The following RAB27B variants were observed in gnomAD, a reference collection of about 807,000 sequenced individuals.
The protein encoded by RAB27B is ras-related protein Rab-27B.
RAB27B carries 15 observed loss-of-function variants against 24.6 expected under a neutral mutation model. That is an observed-to-expected ratio of 0.61 (90% confidence interval 0.41 to 0.94). RAB27B has a LOEUF of 0.94. Ranked by LOEUF, RAB27B falls within the 40% of genes least tolerant of loss-of-function variation. RAB27B has a pLI of 0.00. For synonymous variants in RAB27B, 105 were observed against 92.5 expected (o/e 1.14, Z -0.78); for missense variants, 261 against 266.8 (o/e 0.98, Z 0.15).
intron 1 of RAB27B, among the ~76,000 whole-genome samples, chr18:54,841,335 A>G (rs1598949535): frequency 6.6e-6 from 1 of 152,238 alleles, no homozygotes; most frequent in East Asian, 1.9e-4. Flanking sequence ...CCTAAACAAT[A>G]TAGTATAACA....
chr18:54,870,629 A>G (rs1912425037), intron 1 of RAB27B, among the ~76,000 whole-genome samples: 1 of 152,194 alleles, frequency 6.6e-6, no homozygotes, highest in Non-Finnish European at 1.5e-5. Flanking sequence ...TTGAAAAACC[A>G]TTAAACATAT....
At chr18:54,719,205 CA>C (rs1035103522) in intron 2 of RAB27B, among the ~76,000 whole-genome samples, 110 of 152,018 alleles carry the variant, frequency 7.2e-4, no homozygotes, top group African/African-American at 2.6e-3. Flanking sequence ...TCTAATGGTT[CA>C]AAAAAGTATA....
At chr18:54,798,854 A>G (rs190612237) in intron 2 of RAB27B, among the ~76,000 whole-genome samples, 54 of 152,360 alleles carry the variant, frequency 3.5e-4, no homozygotes, top group East Asian at 1.9e-3. Context: ...TATAAATTCA[A>G]AAGAATAATT....
intron 2 of RAB27B, among the ~76,000 whole-genome samples, chr18:54,736,949 G>C (rs1644306961): frequency 6.6e-6 from 1 of 152,134 alleles, no homozygotes; most frequent in Non-Finnish European, 1.5e-5. Context: ...GGAAGTCTTA[G>C]GGACTCGAAA....
intron 2 of RAB27B, among the ~76,000 whole-genome samples, chr18:54,793,425 CATAG>C (rs1260857582): frequency 6.6e-6 from 1 of 152,116 alleles, no homozygotes; most frequent in African/African-American, 2.4e-5. Flanking sequence ...GAGAGAGGAA[CATAG>C]ATAGGCGATA....
At chr18:54,739,421 A>C (rs1910002883) in intron 2 of RAB27B, among the ~76,000 whole-genome samples, 1 of 145,024 alleles carries the variant, frequency 6.9e-6, no homozygotes. Flanking sequence ...CTGCCATTGC[A>C]CTCCAGCCTG....
chr18:54,791,685 T>G lies in RAB27B; in HGVS notation c.-20+73544T>G, dbSNP rs549449701. 2.6e-5 allele frequency among the ~76,000 whole-genome samples: 4 copies of G among 152,300 alleles called. No individual in the cohort carries two copies. The East Asian group carries it at 7.7e-4, about 29-fold the overall frequency. On this transcript the variant is annotated intron_variant, in intron 2 of 4. Coordinates refer to the RAB27B transcript ENST00000586570. ...TTGCATTTTCCAAGACCACTGGGCC[T>G]GCCCATCCTGGGCCTATAAAAACCG...
chr18:54,882,120 T>C (rs573891975), intron 3 of RAB27B, among the ~76,000 whole-genome samples: 1 of 152,292 alleles, frequency 6.6e-6, no homozygotes, highest in South Asian at 2.1e-4. Flanking sequence ...ATAAATTTTT[T>C]TGGTATTTCT....
intron 2 of RAB27B, among the ~76,000 whole-genome samples, chr18:54,776,591 A>T (rs143162023): frequency 6.6e-6 from 1 of 152,318 alleles, no homozygotes; most frequent in East Asian, 1.9e-4. Flanking sequence ...GGGTGCTGCC[A>T]TGATACCCTG....
At chr18:54,812,386 T>C (rs904158432) in intron 2 of RAB27B, among the ~76,000 whole-genome samples, 1 of 152,166 alleles carries the variant, frequency 6.6e-6, no homozygotes, top group Non-Finnish European at 1.5e-5. Context: ...AGATGTTAAA[T>C]AGGAGTTTTA....
intron 1 of RAB27B, among the ~76,000 whole-genome samples, chr18:54,858,263 C>T (rs949494131): frequency 1.3e-5 from 2 of 152,058 alleles, no homozygotes; most frequent in African/African-American, 2.4e-5. Context: ...TTATCCTATG[C>T]GTTAGAATTT....
At chr18:54,799,153 T>C (rs1909517559) in intron 2 of RAB27B, among the ~76,000 whole-genome samples, 2 of 152,292 alleles carry the variant, frequency 1.3e-5, no homozygotes, top group South Asian at 2.1e-4. Flanking sequence ...TTAACTAAAA[T>C]TGTGACTCAT....
chr18:54,877,455 T>C, intron 1 of RAB27B, 112 bp from the exon 2 acceptor site: 1 of 763,608 alleles, frequency 1.3e-6, no homozygotes, highest in Non-Finnish European at 1.9e-6. Flanking sequence ...TATGGCAGAA[T>C]AGAGGTATTC....
upstream of RAB27B, among the ~76,000 whole-genome samples, chr18:54,824,886 C>A (rs1910424207): frequency 6.6e-6 from 1 of 152,030 alleles, no homozygotes; most frequent in African/African-American, 2.4e-5. Flanking sequence ...TTTAGGCCTG[C>A]TTCACACTTA....
intron 2 of RAB27B, among the ~76,000 whole-genome samples, chr18:54,767,500 A>G (rs1165415112): frequency 1.3e-5 from 2 of 152,302 alleles, no homozygotes; most frequent in East Asian, 3.9e-4. Flanking sequence ...CTTTTTAAAA[A>G]CAAGATACAA....
rs371696623 is a variant in RAB27B, at chr18:54,781,186, C to A, written c.-20+63045C>A. ...AGCAGAAATACTCAGCCACTCCATG[C>A]TGCTACCTGATTGAAAGTATCACAA... On this transcript the variant is annotated intron_variant, in intron 2 of 4. Transcript: ENST00000586570. Among the ~76,000 whole-genome samples the A allele has an allele frequency of 1.0e-3, 157 of 152,246 alleles. 4 individuals are homozygous for A. The South Asian group carries it at 0.028, about 27-fold the overall frequency.
At chr18:54,816,456 A>G (rs1910125049) in intron 2 of RAB27B, among the ~76,000 whole-genome samples, 1 of 152,264 alleles carries the variant, frequency 6.6e-6, no homozygotes, top group Non-Finnish European at 1.5e-5. Context: ...AGGGATTGAC[A>G]TATTTGGAGC....
In RAB27B at chr18:54,816,262, G is replaced by A. The variant is rs185698507; in HGVS notation, c.-19-61305G>A. Among the ~76,000 whole-genome samples the A allele has an allele frequency of 9.7e-4, 147 of 152,294 alleles. 1 individual carries two copies. Among genetic ancestry groups the A allele is most frequent in the African/African-American group, 3.0e-3 (123 of 41,564 alleles). ...ACTGACCAAATTGAGGGTATAAGGC[G>A]AAGGCCAAATCAAGAGTAGGTGAAA... On this transcript the variant is annotated intron_variant, in intron 2 of 4. Transcript: ENST00000586570.
chr18:54,732,156 T>C (rs1364688274), intron 2 of RAB27B, among the ~76,000 whole-genome samples: 1 of 152,170 alleles, frequency 6.6e-6, no homozygotes, highest in Non-Finnish European at 1.5e-5. Context: ...TCAAAAGTTA[T>C]CTATCTAAAG....
Sources: allele counts gnomAD v4.1 joint callset (sites outside exome capture counted in the v4.1 genomes callset), GRCh38; gene constraint gnomAD v4.1.1; transcripts MANE v1.5; gene names NCBI Gene and HGNC (gene_info 2026-07-23, HGNC 2026-07-21).